IGF1R: variants seen among roughly 807,000 people sequenced by gnomAD.
The protein encoded by IGF1R is insulin like growth factor 1 receptor, also known as insulin-like growth factor 1 receptor.
A neutral mutation model predicts 144.6 loss-of-function variants in IGF1R; 44 were observed. The observed-to-expected ratio is 0.30, with a 90% CI of 0.24 to 0.39. The LOEUF (loss-of-function observed/expected upper bound fraction) is 0.39. IGF1R is among the 10% of genes least tolerant of loss of function. The pLI is 1.00. For missense variants in IGF1R, 1,355 were observed against 1,833.7 expected, an observed-to-expected ratio of 0.74 and a Z score of 4.77; for synonymous variants, 795 against 722.8, an observed-to-expected ratio of 1.10 and a Z score of -1.60.
intron 2 of IGF1R, among the ~76,000 whole-genome samples, chr15:98,742,158 A>G (rs1186156390): frequency 6.6e-6 from 1 of 151,832 alleles, no homozygotes; most frequent in Admixed American, 6.6e-5. Flanking sequence ...TTGGGGGAGA[A>G]CCTCTTTAAA....
intron 2 of IGF1R, among the ~76,000 whole-genome samples, chr15:98,709,199 C>G (rs578207643): frequency 2.4e-4 from 37 of 152,312 alleles, no homozygotes; most frequent in African/African-American, 7.0e-4. Flanking sequence ...AATTGTTAGA[C>G]TTGCCTAAAA....
At chr15:98,774,265 C>A (rs959987239) in intron 2 of IGF1R, among the ~76,000 whole-genome samples, 2 of 152,154 alleles carry the variant, frequency 1.3e-5, no homozygotes, top group Admixed American at 6.5e-5. Flanking sequence ...CATCTCAGAT[C>A]CCTTGTGATT....
At chr15:98,656,999 T>C (rs2052501103) in intron 1 of IGF1R, among the ~76,000 whole-genome samples, 1 of 152,248 alleles carries the variant, frequency 6.6e-6, no homozygotes, top group Non-Finnish European at 1.5e-5. Flanking sequence ...TGATAGTTGT[T>C]AGAGCATAAA....
intron 2 of IGF1R, among the ~76,000 whole-genome samples, chr15:98,726,758 C>T (rs1329088040): frequency 8.4e-6 from 1 of 119,308 alleles, no homozygotes; most frequent in Non-Finnish European, 1.7e-5. Context: ...TTGCTCTTGT[C>T]ACCCCGGCTG....
chr15:98,806,167 T>C (rs1198732918), intron 2 of IGF1R, among the ~76,000 whole-genome samples: 1 of 152,194 alleles, frequency 6.6e-6, no homozygotes, highest in Non-Finnish European at 1.5e-5. Flanking sequence ...CAGAAAGTAG[T>C]TGACGTCCTA....
chr15:98,663,951 G>A (rs1223126900), intron 1 of IGF1R, among the ~76,000 whole-genome samples: 1 of 152,210 alleles, frequency 6.6e-6, no homozygotes, highest in Non-Finnish European at 1.5e-5. Flanking sequence ...TGTGGTTCTT[G>A]ATGAGAAGCA....
intron 2 of IGF1R, among the ~76,000 whole-genome samples, chr15:98,878,724 G>A (rs796452419): frequency 6.7e-6 from 1 of 149,350 alleles, no homozygotes; most frequent in South Asian, 2.1e-4. Flanking sequence ...CAGGCACGGT[G>A]GCTCAGACCT....
At chr15:98,775,704 G>C (rs1181818430) in intron 2 of IGF1R, among the ~76,000 whole-genome samples, 1 of 152,228 alleles carries the variant, frequency 6.6e-6, no homozygotes, top group East Asian at 1.9e-4. Flanking sequence ...GATCCAGGCA[G>C]AGTACAGTGG....
chr15:98,717,376 G>A (rs1283140503), intron 2 of IGF1R, among the ~76,000 whole-genome samples: 1 of 151,930 alleles, frequency 6.6e-6, no homozygotes, highest in African/African-American at 2.4e-5. Context: ...TGCATTCTAA[G>A]ACCATCTAAA....
chr15:98,659,133 T>C (rs904183039), intron 1 of IGF1R, among the ~76,000 whole-genome samples: 1 of 152,240 alleles, frequency 6.6e-6, no homozygotes, highest in Non-Finnish European at 1.5e-5. Context: ...GCCATTTAAA[T>C]ATGTTATAGA....
chr15:98,744,901 A>G, intron 2 of IGF1R, among the ~76,000 whole-genome samples: 1 of 152,182 alleles, frequency 6.6e-6, no homozygotes, highest in East Asian at 1.9e-4. Context: ...AGGCCAGGAA[A>G]CATTCCCAGA....
intron 1 of IGF1R, among the ~76,000 whole-genome samples, chr15:98,701,375 C>T (rs546960858): frequency 7.4e-6 from 1 of 135,384 alleles, no homozygotes; most frequent in Non-Finnish European, 1.5e-5. Context: ...CTCGTTCTGT[C>T]ACCCAGGCTG....
Position 98,909,046 on chromosome 15 carries a change from T to G in IGF1R, c.1462+147T>G, listed in dbSNP as rs536196105. The G allele has an allele frequency of 1.4e-4, 102 of 727,426 alleles. No individual in the cohort carries two copies. In the East Asian group the frequency reaches 2.7e-3, roughly 19 times the overall value. 45.1% of individuals were successfully genotyped at this position (727,426 alleles called of 1,614,324 possible). ...ACCATCTTAACTAGCACTTTGCTCC[T>G]ACTTATATGTCATCACAATCAGTAG... is the stretch of plus-strand genomic sequence containing the variant. On this transcript the variant is annotated intron_variant, in intron 6 of 20. Transcript: ENST00000650285.
chr15:98,671,735 A>G (rs1005964049), intron 1 of IGF1R, among the ~76,000 whole-genome samples: 2 of 152,188 alleles, frequency 1.3e-5, no homozygotes, highest in African/African-American at 4.8e-5. Context: ...AGGATTTGTA[A>G]TGCCTGTAGA....
At chr15:98,917,518 C>G (rs2151684336) in intron 10 of IGF1R, among the ~76,000 whole-genome samples, 1 of 152,198 alleles carries the variant, frequency 6.6e-6, no homozygotes, top group Middle Eastern at 3.4e-3. Flanking sequence ...GGAGTGGGGA[C>G]AAAAGCAGAG....
At chr15:98,750,276 G>A (rs569873125) in intron 2 of IGF1R, among the ~76,000 whole-genome samples, 1 of 152,300 alleles carries the variant, frequency 6.6e-6, no homozygotes, top group East Asian at 1.9e-4. Flanking sequence ...GCAGTTTTGC[G>A]CTTCTCCCTG....
intron 6 of IGF1R, among the ~76,000 whole-genome samples, chr15:98,909,988 G>A (rs1017617369): frequency 2.0e-5 from 3 of 152,202 alleles, no homozygotes; most frequent in Non-Finnish European, 4.4e-5. Flanking sequence ...TAGAAAAAAA[G>A]TAATTTGTAT....
rs80063647 is a variant in IGF1R at position 98,699,534 on chromosome 15, G to A, written c.95-8028G>A. On this transcript the variant is annotated intron_variant, in intron 1 of 20. Transcript: ENST00000650285. Reference sequence around the variant, plus strand: ...GATAAAGTTGTTTTTATGAAGATCCGGGAAAACGGTTGTTACAAATACAGC... The same window carrying A: ...GATAAAGTTGTTTTTATGAAGATCCAGGAAAACGGTTGTTACAAATACAGC... Among the ~76,000 whole-genome samples the A allele has an allele frequency of 9.3e-4, 142 of 152,284 alleles. 1 individual carries two copies. Among genetic ancestry groups the A allele is most frequent in the African/African-American group, 3.3e-3 (139 of 41,548 alleles).
intron 8 of IGF1R, among the ~76,000 whole-genome samples, chr15:98,913,631 A>G (rs1441131180): frequency 6.6e-6 from 1 of 152,220 alleles, no homozygotes; most frequent in African/African-American, 2.4e-5. Context: ...AACTGAAACC[A>G]TGCTGATCTG....
Sources: gnomAD v4.1 joint callset for allele counts (sites outside exome capture counted in the v4.1 genomes callset) on GRCh38, gnomAD v4.1.1 for gene constraint, MANE v1.5 for transcripts, NCBI Gene and HGNC (gene_info 2026-07-23, HGNC 2026-07-21) for gene names.